Variants in USH2A observed in about 807,000 individuals in gnomAD.
USH2A encodes Usher syndrome 2A (autosomal recessive, mild).
In USH2A, 443 loss-of-function variants were observed where a neutral mutation model predicts 538.9. The observed-to-expected ratio is 0.82, with a 90% CI of 0.76 to 0.89. USH2A has a LOEUF of 0.89. Ranked by LOEUF, USH2A falls within the 40% of genes least tolerant of loss-of-function variation. The pLI is 0.00. For synonymous variants in USH2A, 2,413 were observed against 2,273.5 expected (o/e 1.06, Z -1.75); for missense variants, 6,633 against 6,324.8 (o/e 1.05, Z -1.65).
chr1:216,223,251 G>A (rs1052035469), intron 14 of USH2A, among the ~76,000 whole-genome samples: 1 of 152,102 alleles, frequency 6.6e-6, no homozygotes, highest in African/African-American at 2.4e-5. Context: ...TGGATATCCT[G>A]ATGTCCAGTT....
chr1:215,857,753 T>C (rs1488867024), intron 44 of USH2A, among the ~76,000 whole-genome samples: 2 of 152,172 alleles, frequency 1.3e-5, no homozygotes, highest in East Asian at 3.9e-4. Context: ...GACAACTCTG[T>C]GGCCAGAGGT....
At chr1:215,695,328 C>A (rs12402887) in intron 61 of USH2A, among the ~76,000 whole-genome samples, 43,671 of 152,090 alleles carry the variant, frequency 0.29, 7,761 homozygotes, top group Non-Finnish European at 0.39. Flanking sequence ...TATTTGTTAC[C>A]AGAGCCTATC....
chr1:216,325,602 G>A lies in USH2A; in HGVS notation c.849-3C>T, dbSNP rs774392934. The A allele has an allele frequency of 6.8e-6, 11 of 1,612,464 alleles. No homozygotes were observed. In the East Asian group the frequency reaches 2.0e-4, roughly 30 times the overall value. ...CAGAGAAGACTTCCAGAATCTCTCT[G>A]TGGGAGTCAAGAGGGAGACTGTAAG... On this transcript the variant is annotated splice_polypyrimidine_tract_variant and splice_region_variant and intron_variant, in intron 5 of 71. Transcript: ENST00000307340.
At chr1:216,069,447 C>T (rs2031485919) in intron 30 of USH2A, among the ~76,000 whole-genome samples, 2 of 152,136 alleles carry the variant, frequency 1.3e-5, no homozygotes, top group Admixed American at 6.6e-5. Flanking sequence ...TCAAATTTGA[C>T]ACATTTACTT....
rs1666971758 is a variant in USH2A, at chr1:215,953,284, C to G, written c.7120+12033G>C. Among the ~76,000 whole-genome samples, 5 of 152,250 alleles carry G rather than the reference C, an allele frequency of 3.3e-5. No homozygotes were observed. The South Asian group carries it at 1.0e-3, about 32-fold the overall frequency. ...TCAATCCTAAGCCAAAAGAACAAAG[C>G]TGGAGGCATCACGCTACCTGACTTC... On this transcript the variant is annotated intron_variant, in intron 37 of 71. Coordinates refer to ENST00000307340, the MANE Select transcript of USH2A (RefSeq NM_206933.4).
Position 215,779,899 on chromosome 1 carries a change from A to G in USH2A, c.10883T>C (p.Val3628Ala), listed in dbSNP as rs751345887. 20 of 1,613,626 alleles carry G rather than the reference A, an allele frequency of 1.2e-5. No homozygotes were observed. In the Admixed American group the frequency reaches 2.5e-4, roughly 20 times the overall value. The change falls in exon 55 of 72, where the codon GTT becomes GCT. Residue 3628 changes from valine to alanine, a missense_variant. Coordinates refer to ENST00000307340, the MANE Select transcript of USH2A (RefSeq NM_206933.4). ...GVIKEYQIRQ[V>A]GKGLIHTDTT... ...GTCAGTGTGGATGAGACCTTTCCCA[A>G]CCTGCCTGATCTGGTACTCTTTAAT...
At chr1:215,945,286 G>A (rs1666730750) in intron 37 of USH2A, among the ~76,000 whole-genome samples, 1 of 152,100 alleles carries the variant, frequency 6.6e-6, no homozygotes, top group Admixed American at 6.6e-5. Context: ...CCCAGATGGT[G>A]GCTTTCCAGC....
chr1:215,910,273 A>G (rs1665747210), intron 38 of USH2A, among the ~76,000 whole-genome samples: 1 of 151,976 alleles, frequency 6.6e-6, no homozygotes, highest in African/African-American at 2.4e-5. Context: ...TTAGCTGATT[A>G]GCAGCTAATT....
chr1:215,821,766 C>G (rs942237852), intron 47 of USH2A, among the ~76,000 whole-genome samples: 1 of 151,738 alleles, frequency 6.6e-6, no homozygotes, highest in South Asian at 2.1e-4. Context: ...GTATTTAATC[C>G]ATTTTGAGTT....
At chr1:215,800,570 A>C (rs551940738) in intron 49 of USH2A, among the ~76,000 whole-genome samples, 1 of 152,330 alleles carries the variant, frequency 6.6e-6, no homozygotes, top group South Asian at 2.1e-4. Context: ...CTTCTTCTCA[A>C]TTAGTTCACC....
Position 215,910,071 on chromosome 1 carries a change from TTGAAA to T in USH2A, c.7301-9171_7301-9167del, listed in dbSNP as rs543316023. Among the ~76,000 whole-genome samples the T allele has an allele frequency of 1.3e-3, 191 of 152,108 alleles. 2 individuals are homozygous for T. The highest frequency in any genetic ancestry group is 2.4e-3 in the Admixed American group (36 of 15,232). On this transcript the variant is annotated intron_variant, in intron 38 of 71. Coordinates refer to ENST00000307340, the MANE Select transcript of USH2A (RefSeq NM_206933.4). The stretch of plus-strand genomic sequence containing the variant: ...AGCACTGAAAACCAAAAGACTATGA[TTGAAA>T]TATTTACAACATGCTTATTGGCCAT...
Position 215,863,176 on chromosome 1 carries a change from A to C in USH2A, c.8845+3831T>G, listed in dbSNP as rs1664366363. Among the ~76,000 whole-genome samples, 5 of 152,178 alleles carry C rather than the reference A, an allele frequency of 3.3e-5. No homozygotes were observed. The South Asian group carries it at 1.0e-3, about 32-fold the overall frequency. ...AACACAGTAGGATGGCATTGAGAAG[A>C]GAGTTTTGAAATGGGTCATTAGGTG... On this transcript the variant is annotated intron_variant, in intron 44 of 71. Coordinates refer to ENST00000307340, the MANE Select transcript of USH2A (RefSeq NM_206933.4).
intron 63 of USH2A, among the ~76,000 whole-genome samples, chr1:215,672,907 C>T (rs1222175009): frequency 6.6e-6 from 1 of 152,174 alleles, no homozygotes; most frequent in African/African-American, 2.4e-5. Context: ...AAAAAGCATT[C>T]CTTTCATGCC....
chr1:215,691,803 T>A (rs954357541), intron 61 of USH2A, among the ~76,000 whole-genome samples: 3 of 152,094 alleles, frequency 2.0e-5, no homozygotes, highest in Non-Finnish European at 4.4e-5. Flanking sequence ...TATCAGTGAA[T>A]ATGGACAGAA....
chr1:215,677,754 C>A (rs1278228015), intron 62 of USH2A, among the ~76,000 whole-genome samples: 2 of 152,196 alleles, frequency 1.3e-5, no homozygotes, highest in Admixed American at 6.5e-5. Flanking sequence ...TGCCTCAGGG[C>A]TTGATCCCAG....
chr1:215,657,134 G>A (rs1657287616), intron 64 of USH2A, among the ~76,000 whole-genome samples: 2 of 152,140 alleles, frequency 1.3e-5, no homozygotes, highest in South Asian at 4.1e-4. Flanking sequence ...TATGACTTTG[G>A]TTGTTGTTAG....
At chr1:216,340,263 A>G (rs1216514552) in intron 4 of USH2A, among the ~76,000 whole-genome samples, 1 of 152,110 alleles carries the variant, frequency 6.6e-6, no homozygotes, top group Non-Finnish European at 1.5e-5. Flanking sequence ...AAATTCCTGG[A>G]CACATAAACC....
chr1:216,324,126 A>C, intron 7 of USH2A, 42 bp downstream of exon 7: 1 of 1,584,184 alleles, frequency 6.3e-7, no homozygotes, highest in Non-Finnish European at 8.6e-7. Flanking sequence ...ATTATTAATA[A>C]CCAATCAGTC....
At chr1:215,627,157 TTATTTGC>T in intron 71 of USH2A, among the ~76,000 whole-genome samples, 1 of 152,284 alleles carries the variant, frequency 6.6e-6, no homozygotes, top group Non-Finnish European at 1.5e-5. Flanking sequence ...ACTCCCTTTA[TTATTTGC>T]TATTAGTCAA....
Sources: gnomAD v4.1 joint callset for allele counts (sites outside exome capture counted in the v4.1 genomes callset) on GRCh38, gnomAD v4.1.1 for gene constraint, MANE v1.5 for transcripts, NCBI Gene and HGNC (gene_info 2026-07-23, HGNC 2026-07-21) for gene names.